The following VAT1L variants were observed in gnomAD, a reference collection of about 807,000 sequenced individuals.
VAT1L encodes vesicle amine transport 1 like, also known as putative NADPH-dependent quinone oxidoreductase VAT1L.
A neutral mutation model predicts 44.1 loss-of-function variants in VAT1L; 34 were observed. That is an observed-to-expected ratio of 0.77 (90% CI 0.59 to 1.03). The LOEUF (loss-of-function observed/expected upper bound fraction) is 1.03, where lower values mean the gene tolerates loss of function less well. Among genes scored for constraint, VAT1L ranks in the 50% least tolerant of loss-of-function variants. The probability of loss-of-function intolerance (pLI) is 0.00; values close to 1 mark genes in which losing one functional copy is unlikely to be tolerated. For synonymous variants in VAT1L, 253 were observed against 202.2 expected (o/e 1.25, Z -2.13); for missense variants, 615 against 538.8 (o/e 1.14, Z -1.40).
At chr16:77,887,228 G>A (rs2017218212) in intron 7 of VAT1L, among the ~76,000 whole-genome samples, 1 of 152,194 alleles carries the variant, frequency 6.6e-6, no homozygotes, top group African/African-American at 2.4e-5. Flanking sequence ...AGGAGGGAAT[G>A]GTACAAGGAG....
intron 6 of VAT1L, among the ~76,000 whole-genome samples, chr16:77,881,542 T>A (rs2017155690): frequency 6.6e-6 from 1 of 152,244 alleles, no homozygotes; most frequent in Admixed American, 6.5e-5. Context: ...TTGGAATTCA[T>A]TCTAAGTATG....
intron 4 of VAT1L, among the ~76,000 whole-genome samples, chr16:77,873,676 G>C (rs1325242751): frequency 6.6e-6 from 1 of 152,208 alleles, no homozygotes; most frequent in Non-Finnish European, 1.5e-5. Flanking sequence ...AGTATCTCCA[G>C]TGTAGACATT....
intron 3 of VAT1L, among the ~76,000 whole-genome samples, chr16:77,850,216 T>G (rs1234653081): frequency 1.3e-5 from 2 of 152,162 alleles, no homozygotes; most frequent in Non-Finnish European, 2.9e-5. Context: ...GTAGGGGACA[T>G]GAGCTTACAT....
At position 77,978,758 on chromosome 16, in the gene VAT1L, G is replaced by C; in HGVS notation, c.*1063G>C. On this transcript the variant is annotated 3_prime_UTR_variant, in exon 9 of 9. Transcript: ENST00000302536. ...CCTCCCCTCCCATATATAAACCCCGGTGTAGAATCTGCAGCGCCCTGCTCT... is the reference window on the plus strand; with the variant it reads ...CCTCCCCTCCCATATATAAACCCCGCTGTAGAATCTGCAGCGCCCTGCTCT... 6.6e-6 allele frequency: 1 copy of C among 152,280 alleles called. No individual in the cohort carries two copies. The highest frequency in any genetic ancestry group is 6.5e-5 in the Admixed American group (1 of 15,300). 9.4% of individuals were successfully genotyped at this position (152,280 alleles called of 1,614,324 possible).
intron 7 of VAT1L, among the ~76,000 whole-genome samples, chr16:77,928,672 C>T (rs1182888776): frequency 2.0e-5 from 3 of 152,108 alleles, no homozygotes; most frequent in Non-Finnish European, 2.9e-5. Flanking sequence ...TCGTAAATGA[C>T]GTGTTTCATA....
intron 1 of VAT1L, among the ~76,000 whole-genome samples, chr16:77,814,089 G>A (rs1227785881): frequency 6.6e-6 from 1 of 152,122 alleles, no homozygotes; most frequent in Non-Finnish European, 1.5e-5. Context: ...TTTCTGATCT[G>A]AAAAATTGGT....
At chr16:77,874,854 A>AG (rs1240706880) in intron 4 of VAT1L, among the ~76,000 whole-genome samples, 1 of 150,916 alleles carries the variant, frequency 6.6e-6, no homozygotes, top group Non-Finnish European at 1.5e-5. Context: ...AAAAAAAAAA[A>AG]AAAAAAAAAG....
intron 2 of VAT1L, among the ~76,000 whole-genome samples, chr16:77,819,152 G>C (rs1567476419): frequency 6.6e-6 from 1 of 152,094 alleles, no homozygotes; most frequent in East Asian, 1.9e-4. Context: ...AAAGTCAAAG[G>C]AGAGATCTGG....
chr16:77,795,835 T>TTTTTTTTTTTTTTTTG (rs2015922362), intron 1 of VAT1L, among the ~76,000 whole-genome samples: 1 of 140,006 alleles, frequency 7.1e-6, no homozygotes, highest in Admixed American at 7.3e-5. Context: ...TTTTTTTTTT[T>TTTTTTTTTTTTTTTTG]TTTCATTTGA....
intron 3 of VAT1L, among the ~76,000 whole-genome samples, chr16:77,845,834 TTA>T (rs1353848248): frequency 6.6e-6 from 1 of 152,210 alleles, no homozygotes; most frequent in Non-Finnish European, 1.5e-5. Context: ...GCCCTCTACA[TTA>T]TCTTTCTAAT....
intron 4 of VAT1L, among the ~76,000 whole-genome samples, chr16:77,863,136 C>T (rs145672002): frequency 0.02 from 3,119 of 152,316 alleles, 65 homozygotes; most frequent in Middle Eastern, 0.085. Context: ...ACGCTAGCTC[C>T]TATTTGACCA....
intron 2 of VAT1L, among the ~76,000 whole-genome samples, chr16:77,824,597 T>TAAAAAAA (rs2016496315): frequency 6.6e-6 from 1 of 151,122 alleles, no homozygotes; most frequent in Admixed American, 6.6e-5. Context: ...CTACTAAAAA[T>TAAAAAAA]ACAAAAAAAT....
chr16:77,882,648 A>G (rs908546324), intron 6 of VAT1L, among the ~76,000 whole-genome samples: 2 of 152,246 alleles, frequency 1.3e-5, no homozygotes, highest in African/African-American at 4.8e-5. Flanking sequence ...CTAGGCATTC[A>G]GCTCTATAAC....
At chr16:77,824,209 A>G (rs970347535) in intron 2 of VAT1L, among the ~76,000 whole-genome samples, 1 of 152,072 alleles carries the variant, frequency 6.6e-6, no homozygotes, top group South Asian at 2.1e-4. Context: ...TTGTTTTGCT[A>G]CCTTCCTTAG....
chr16:77,877,539 A>C lies in VAT1L; in HGVS notation c.826+1066A>C, dbSNP rs1597078977. ...AAAAAAAAAAAAAAAAAAAAAAAAA[A>C]AAAACCACATTAGTCTCCACAAACT... On this transcript the variant is annotated intron_variant, in intron 5 of 8. Transcript: ENST00000302536. 6.8e-5 allele frequency among the ~76,000 whole-genome samples: 10 copies of C among 147,310 alleles called. No individual in the cohort carries two copies. The South Asian group carries it at 2.2e-3, about 32-fold the overall frequency.
At chr16:77,821,774 C>A (rs1402873374) in intron 2 of VAT1L, among the ~76,000 whole-genome samples, 1 of 146,886 alleles carries the variant, frequency 6.8e-6, no homozygotes, top group African/African-American at 2.7e-5. Flanking sequence ...ACAAGCAGCT[C>A]TCAATAAACA....
At chr16:77,858,183 G>A (rs1365005899) in intron 3 of VAT1L, among the ~76,000 whole-genome samples, 1 of 152,136 alleles carries the variant, frequency 6.6e-6, no homozygotes, top group Non-Finnish European at 1.5e-5. Context: ...CGCTTCGGGA[G>A]AAAAGAACCA....
At chr16:77,955,592 G>C (rs1327903364) in intron 7 of VAT1L, among the ~76,000 whole-genome samples, 1 of 152,106 alleles carries the variant, frequency 6.6e-6, no homozygotes, top group Non-Finnish European at 1.5e-5. Context: ...AGGGGTGATG[G>C]CACTCGTCTG....
chr16:77,869,237 T>G (rs2142447889), intron 4 of VAT1L, among the ~76,000 whole-genome samples: 1 of 152,280 alleles, frequency 6.6e-6, no homozygotes. Flanking sequence ...CAAGACGTCT[T>G]TTCCTTTTTG....
Sources: gnomAD v4.1 joint callset for allele counts (sites outside exome capture counted in the v4.1 genomes callset) on GRCh38, gnomAD v4.1.1 for gene constraint, MANE v1.5 for transcripts, NCBI Gene and HGNC (gene_info 2026-07-23, HGNC 2026-07-21) for gene names.